Variants in LRP1B observed in about 807,000 individuals in gnomAD.
LRP1B encodes low-density lipoprotein receptor-related protein 1B.
Under a neutral mutation model 556.6 loss-of-function variants are expected in LRP1B, and 217 were observed. The ratio of observed to expected loss-of-function variants is 0.39; its 90% confidence interval spans 0.35 to 0.44. The LOEUF (loss-of-function observed/expected upper bound fraction) is 0.44, where lower values mean the gene tolerates loss of function less well. Ranked by LOEUF, LRP1B falls within the 20% of genes least tolerant of loss-of-function variation. The pLI, the probability that LRP1B is intolerant of heterozygous loss-of-function variation, is 1.00. For missense variants in LRP1B, 5,053 were observed against 5,620.8 expected, an observed-to-expected ratio of 0.90 and a Z score of 3.23; for synonymous variants, 2,047 against 1,865.8, an observed-to-expected ratio of 1.10 and a Z score of -2.50.
chr2:141,395,752 G>T (rs1690218631), intron 3 of LRP1B, among the ~76,000 whole-genome samples: 1 of 152,030 alleles, frequency 6.6e-6, no homozygotes, highest in Admixed American at 6.6e-5. Context: ...CAGAGGCAGA[G>T]AAACAAAAAT....
intron 85 of LRP1B, among the ~76,000 whole-genome samples, chr2:140,272,241 G>A (rs1237207555): frequency 7.9e-6 from 1 of 126,378 alleles, no homozygotes; most frequent in East Asian, 2.3e-4. Flanking sequence ...GAGGCATTCA[G>A]CGTATGTGCA....
At chr2:141,347,344 AT>A (rs1302579672) in intron 3 of LRP1B, among the ~76,000 whole-genome samples, 2 of 152,156 alleles carry the variant, frequency 1.3e-5, no homozygotes, top group East Asian at 3.9e-4. Flanking sequence ...CTTTAATAGA[AT>A]GCAATCTCAG....
intron 84 of LRP1B, among the ~76,000 whole-genome samples, chr2:140,275,613 G>A (rs1388861244): frequency 2.0e-5 from 3 of 151,906 alleles, no homozygotes; most frequent in African/African-American, 7.2e-5. Flanking sequence ...AGCAAACAAC[G>A]AGTTATGCCT....
chr2:142,103,970 A>G (rs1011833000), intron 1 of LRP1B, among the ~76,000 whole-genome samples: 1 of 152,092 alleles, frequency 6.6e-6, no homozygotes, highest in Non-Finnish European at 1.5e-5. Context: ...GTTGAGCTTC[A>G]TTTACAAGAT....
chr2:141,187,859 G>A (rs567968679), intron 7 of LRP1B, among the ~76,000 whole-genome samples: 82 of 151,726 alleles, frequency 5.4e-4, no homozygotes, highest in Non-Finnish European at 9.1e-4. Context: ...AAAAAAAGAA[G>A]ATGAATTCTG....
At chr2:140,741,714 A>G (rs1162631330) in intron 35 of LRP1B, among the ~76,000 whole-genome samples, 1 of 151,494 alleles carries the variant, frequency 6.6e-6, no homozygotes, top group Non-Finnish European at 1.5e-5. Flanking sequence ...TAACTCCCAA[A>G]TATAAGTCAG....
chr2:140,294,657 C>T (rs777296479), intron 84 of LRP1B, among the ~76,000 whole-genome samples: 24 of 152,030 alleles, frequency 1.6e-4, no homozygotes, highest in Non-Finnish European at 3.4e-4. Context: ...AGGCTGCAGA[C>T]CTAGGATGGA....
At chr2:141,070,557 A>G (rs933301966) in intron 7 of LRP1B, among the ~76,000 whole-genome samples, 1 of 152,130 alleles carries the variant, frequency 6.6e-6, no homozygotes, top group Non-Finnish European at 1.5e-5. Context: ...AAAATTAATG[A>G]ATCCAGGAGC....
intron 31 of LRP1B, among the ~76,000 whole-genome samples, chr2:140,821,633 C>T (rs1201961142): frequency 2.0e-5 from 3 of 152,196 alleles, no homozygotes; most frequent in South Asian, 4.1e-4. Context: ...CACTCTACTT[C>T]ATACAGTGTA....
chr2:140,776,486 A>G lies in LRP1B; in HGVS notation c.5360-248T>C, dbSNP rs200996359. On this transcript the variant is annotated intron_variant, in intron 32 of 90. Transcript: ENST00000389484. ...ACTTTTCTTTTTCTTAGAAAAGAAT[A>G]TATAATATTCTTATATTTTACATAA... 2.2e-4 allele frequency among the ~76,000 whole-genome samples: 13 copies of G among 60,216 alleles called. 1 individual carries two copies. The highest frequency in any genetic ancestry group is 3.7e-4 in the Non-Finnish European group (7 of 18,852). 39.5% of individuals were successfully genotyped at this position (60,216 alleles called of 152,430 possible). A position where few individuals can be genotyped will look rare whatever the true frequency, so the allele number is the denominator to read the frequency against.
At chr2:141,823,392 A>G (rs1696817864) in intron 1 of LRP1B, among the ~76,000 whole-genome samples, 1 of 152,126 alleles carries the variant, frequency 6.6e-6, no homozygotes, top group African/African-American at 2.4e-5. Context: ...AAAGTGCTCA[A>G]CATCTGGGTC....
chr2:140,831,334 A>G (rs944902815), intron 31 of LRP1B, among the ~76,000 whole-genome samples: 3 of 152,176 alleles, frequency 2.0e-5, no homozygotes, highest in Admixed American at 2.0e-4. Context: ...CATAGAGAAC[A>G]GTGGAACACG....
chr2:140,934,989 T>G (rs1006850473), intron 20 of LRP1B, among the ~76,000 whole-genome samples: 2 of 152,150 alleles, frequency 1.3e-5, no homozygotes, highest in Admixed American at 1.3e-4. Context: ...AGACCTTAAG[T>G]TTATACCCCA....
intron 41 of LRP1B, among the ~76,000 whole-genome samples, chr2:140,660,497 T>G (rs1574206909): frequency 1.3e-5 from 2 of 152,174 alleles, no homozygotes; most frequent in East Asian, 3.8e-4. Flanking sequence ...TTCCAGATGC[T>G]TATACATCAT....
intron 41 of LRP1B, among the ~76,000 whole-genome samples, chr2:140,663,391 G>A (rs1057143357): frequency 6.6e-6 from 1 of 152,178 alleles, no homozygotes; most frequent in Non-Finnish European, 1.5e-5. Context: ...GAAGTTTACT[G>A]TAGCCAGCTT....
intron 3 of LRP1B, among the ~76,000 whole-genome samples, chr2:141,460,362 A>G (rs1054894375): frequency 5.9e-5 from 9 of 152,162 alleles, no homozygotes; most frequent in African/African-American, 1.9e-4. Context: ...AGTATCCCTG[A>G]TATAATTAAA....
chr2:141,227,152 C>T (rs1053025669), intron 6 of LRP1B, among the ~76,000 whole-genome samples: 2 of 152,208 alleles, frequency 1.3e-5, no homozygotes, highest in Non-Finnish European at 2.9e-5. Flanking sequence ...ATTGCTTAAC[C>T]TTCCTTAGAT....
Position 140,510,040 on chromosome 2 carries a change from A to C in LRP1B, c.8286T>G (p.Ala2762=). ...SDSICGAITC[A]ADMFSCQGSR... is the part of the protein sequence containing the mutation. ...AGCCCTGGCAGCTGAACATGTCAGC[A>C]GCACAGGTTATGGCACCTGAAACAC... The change falls in exon 52 of 91, where the codon GCT becomes GCG. Residue 2762 remains alanine (A), a synonymous_variant. Coordinates refer to ENST00000389484, the MANE Select transcript of LRP1B (RefSeq NM_018557.3). 1.2e-6 allele frequency: 2 copies of C among 1,613,888 alleles called. No homozygotes were observed. Among genetic ancestry groups the C allele is most frequent in the Non-Finnish European group, 1.7e-6 (2 of 1,179,996 alleles).
intron 66 of LRP1B, among the ~76,000 whole-genome samples, chr2:140,438,287 G>A (rs891412156): frequency 6.6e-6 from 1 of 152,152 alleles, no homozygotes; most frequent in Non-Finnish European, 1.5e-5. Flanking sequence ...TTACAGGCAT[G>A]AGCCACCACT....
Sources: gnomAD v4.1 joint callset for allele counts (sites outside exome capture counted in the v4.1 genomes callset) on GRCh38, gnomAD v4.1.1 for gene constraint, MANE v1.5 for transcripts, NCBI Gene and HGNC (gene_info 2026-07-23, HGNC 2026-07-21) for gene names.